The following INTS9 variants were observed in gnomAD, a reference collection of about 807,000 sequenced individuals.
INTS9 encodes the protein integrator complex subunit 9.
A neutral mutation model predicts 79.7 loss-of-function variants in INTS9; 55 were observed. That is an observed-to-expected ratio of 0.69 (90% CI 0.56 to 0.86). The LOEUF is 0.86. Ranked by LOEUF, INTS9 falls within the 40% of genes least tolerant of loss-of-function variation. The pLI, the probability that INTS9 is intolerant of heterozygous loss-of-function variation, is 0.00. For missense variants in INTS9, 721 were observed against 831.5 expected, an observed-to-expected ratio of 0.87 and a Z score of 1.64; for synonymous variants, 319 against 325.2, an observed-to-expected ratio of 0.98 and a Z score of 0.20.
At chr8:28,864,197 A>G (rs1254991945) in intron 1 of INTS9, among the ~76,000 whole-genome samples, 1 of 152,240 alleles carries the variant, frequency 6.6e-6, no homozygotes, top group African/African-American at 2.4e-5. Flanking sequence ...AAAAAAAATT[A>G]GCCAGGTGTG....
intron 12 of INTS9, among the ~76,000 whole-genome samples, chr8:28,779,498 G>C (rs1803111256): frequency 6.6e-6 from 1 of 152,116 alleles, no homozygotes; most frequent in African/African-American, 2.4e-5. Context: ...CCTGAACACG[G>C]AACACAGAAC....
At chr8:28,813,728 G>T in intron 6 of INTS9, 116 bp from the exon 7 acceptor site, 3 of 1,110,332 alleles carry the variant, frequency 2.7e-6, no homozygotes, top group Non-Finnish European at 3.9e-6. Flanking sequence ...GCATATAATT[G>T]TTCATAGGAT....
chr8:28,793,609 C>T, intron 10 of INTS9, 198 bp downstream of exon 10: 1 of 510,866 alleles, frequency 2.0e-6, no homozygotes, highest in African/African-American at 1.9e-5. Context: ...GCATTCTTCC[C>T]TCTTTGACAA....
chr8:28,804,672 G>A (rs551422647), intron 8 of INTS9, among the ~76,000 whole-genome samples: 1 of 152,252 alleles, frequency 6.6e-6, no homozygotes, highest in Admixed American at 6.5e-5. Context: ...AATCAAACAA[G>A]AACACCAAGG....
intron 2 of INTS9, among the ~76,000 whole-genome samples, chr8:28,853,094 T>G (rs537700219): frequency 6.6e-6 from 1 of 152,296 alleles, no homozygotes; most frequent in African/African-American, 2.4e-5. Context: ...ACTTTGTAAA[T>G]GAGGAGATAG....
chr8:28,853,681 T>C (rs966505470), intron 2 of INTS9, among the ~76,000 whole-genome samples: 9 of 152,296 alleles, frequency 5.9e-5, no homozygotes, highest in African/African-American at 2.2e-4. Context: ...CAGTCGAACT[T>C]TGTAATCATT....
chr8:28,868,720 C>T (rs1808898581), intron 1 of INTS9, among the ~76,000 whole-genome samples: 1 of 152,154 alleles, frequency 6.6e-6, no homozygotes, highest in African/African-American at 2.4e-5. Context: ...AATGTTGTTT[C>T]TCATTATTCC....
chr8:28,851,194 C>T lies in INTS9; in HGVS notation c.138-921G>A, dbSNP rs569443717. Among the ~76,000 whole-genome samples the T allele has an allele frequency of 4.6e-5, 7 of 150,976 alleles. No individual in the cohort carries two copies. In the South Asian group the frequency reaches 1.0e-3, roughly 22 times the overall value. ...AAAAGTTAAGGGCAAAGTAAGGGTG[C>T]GGGACTAAAAGAATCAGAAACCAAG... On this transcript the variant is annotated intron_variant, in intron 2 of 16. Coordinates refer to ENST00000521022, the MANE Select transcript of INTS9 (RefSeq NM_018250.4).
At chr8:28,828,218 G>GTC (rs1275184542) in intron 6 of INTS9, among the ~76,000 whole-genome samples, 5 of 152,170 alleles carry the variant, frequency 3.3e-5, no homozygotes, top group Admixed American at 1.3e-4. Context: ...CTAACTACAG[G>GTC]TAACAGTGGA....
chr8:28,767,847 T>C lies in INTS9; in HGVS notation c.*299A>G. 2.6e-6 allele frequency: 1 copy of C among 383,738 alleles called. No homozygotes were observed. The highest frequency in any genetic ancestry group is 4.0e-5 in the Admixed American group (1 of 24,840). The allele number at this position is 383,738 out of a possible 1,614,324, so 23.8% of individuals were successfully genotyped here. Reference sequence around the variant, plus strand: ...GATGCAAGACAGCCAGCCAGTCACCTCCGCCTCCCATGAACCTCTTGGAAA... The same window carrying C: ...GATGCAAGACAGCCAGCCAGTCACCCCCGCCTCCCATGAACCTCTTGGAAA... On this transcript the variant is annotated 3_prime_UTR_variant, in exon 17 of 17. Transcript: ENST00000521022.
At position 28,771,068 on chromosome 8, in the gene INTS9, G is replaced by A. The variant is rs201664805; in HGVS notation, c.1576C>T (p.Leu526=). Residue 526 remains leucine, a synonymous_variant, in exon 15 of 17, where the codon CTG becomes TTG. Transcript: ENST00000521022. ...CCAGGCTTGATCTCCATGGGCACCA[G>A]TGAATCTGCGAGCTGAAAGCAAAGG... ...IEIMPELADS[L]VPMEIKPGIS... 2.5e-6 allele frequency: 4 copies of A among 1,609,668 alleles called. No homozygotes were observed. The Admixed American group carries it at 6.7e-5, about 27-fold the overall frequency.
intron 8 of INTS9, among the ~76,000 whole-genome samples, chr8:28,800,132 G>T (rs1379264515): frequency 6.6e-6 from 1 of 152,208 alleles, no homozygotes; most frequent in African/African-American, 2.4e-5. Context: ...CTCCGTGAAG[G>T]CAAGAACTTT....
intron 5 of INTS9, among the ~76,000 whole-genome samples, chr8:28,836,237 C>T (rs1367363614): frequency 6.6e-6 from 1 of 152,192 alleles, no homozygotes; most frequent in Non-Finnish European, 1.5e-5. Flanking sequence ...GACTAGCTCT[C>T]TCTGAGATGA....
In INTS9 at chr8:28,770,966, A is replaced by G; in HGVS notation, c.1662+16T>C. ...TGGGGAGAGGGTCCCCTGCACTCCC[A>G]CCCAGCACCCCCTACCTGAAGCAAG... On this transcript the variant is annotated intron_variant, in intron 15 of 16. Transcript: ENST00000521022. The G allele has an allele frequency of 6.2e-7, 1 of 1,606,480 alleles. No individual in the cohort carries two copies. Among genetic ancestry groups the G allele is most frequent in the Non-Finnish European group, 8.5e-7 (1 of 1,175,196 alleles).
chr8:28,888,756 G>GAATC (rs1475953154), intron 1 of INTS9, among the ~76,000 whole-genome samples: 8 of 152,148 alleles, frequency 5.3e-5, no homozygotes, highest in Non-Finnish European at 1.0e-4. Context: ...TTTCGGAATT[G>GAATC]AATCCACTTT....
intron 12 of INTS9, 41 bp downstream of exon 12, chr8:28,780,782 A>G: frequency 6.2e-7 from 1 of 1,605,906 alleles, no homozygotes; most frequent in Middle Eastern, 1.7e-4. Context: ...TCATGGCCTC[A>G]GTGGAGAGAA....
rs549781733 is a variant in INTS9, at chr8:28,817,371, A to G, written c.489-3759T>C. On this transcript the variant is annotated intron_variant, in intron 6 of 16. Transcript: ENST00000521022. ...GGGATCCAGTTTCAGCTTTCTCCAT[A>G]TGGCTAGCCAGTTTTCCCAGCACCA... is the stretch of plus-strand genomic sequence containing the variant. 3.3e-5 allele frequency among the ~76,000 whole-genome samples: 5 copies of G among 152,274 alleles called. No individual in the cohort carries two copies. In the South Asian group the frequency reaches 8.3e-4, roughly 25 times the overall value.
chr8:28,791,352 C>T (rs1803909607), intron 10 of INTS9, among the ~76,000 whole-genome samples: 1 of 152,168 alleles, frequency 6.6e-6, no homozygotes, highest in Non-Finnish European at 1.5e-5. Context: ...ACTCCCCACC[C>T]TGAACTTCAT....
chr8:28,826,234 T>C (rs1806131267), intron 6 of INTS9, among the ~76,000 whole-genome samples: 1 of 152,224 alleles, frequency 6.6e-6, no homozygotes. Context: ...AGCAACACTT[T>C]TTTCATTTTT....
Sources: gnomAD v4.1 joint callset for allele counts (sites outside exome capture counted in the v4.1 genomes callset) on GRCh38, gnomAD v4.1.1 for gene constraint, MANE v1.5 for transcripts, NCBI Gene and HGNC (gene_info 2026-07-23, HGNC 2026-07-21) for gene names.